The following VGLL4 variants were observed in gnomAD, a reference collection of about 807,000 sequenced individuals.
The protein encoded by VGLL4 is vestigial like family member 4.
In VGLL4, 7 loss-of-function variants were observed where a neutral mutation model predicts 21.0. The observed-to-expected ratio is 0.33, with a 90% CI of 0.19 to 0.63. The LOEUF (loss-of-function observed/expected upper bound fraction) is 0.63, where lower values mean the gene tolerates loss of function less well. VGLL4 is among the 20% of genes least tolerant of loss of function. The probability of loss-of-function intolerance (pLI) is 0.78; values close to 1 mark genes in which losing one functional copy is unlikely to be tolerated. For missense variants in VGLL4, 394 were observed against 425.7 expected, an observed-to-expected ratio of 0.93 and a Z score of 0.66; for synonymous variants, 222 against 173.2, an observed-to-expected ratio of 1.28 and a Z score of -2.21.
intron 2 of VGLL4, chr3:11,671,404 A>G (rs1277685686): frequency 2.4e-6 from 2 of 825,240 alleles, no homozygotes; most frequent in South Asian, 2.6e-5. Flanking sequence ...GCTGTGGGCC[A>G]CATGTAAGTA....
chr3:11,677,686 A>G (rs2076311158), intron 2 of VGLL4, among the ~76,000 whole-genome samples: 1 of 152,132 alleles, frequency 6.6e-6, no homozygotes, highest in South Asian at 2.1e-4. Flanking sequence ...CACACCTGTA[A>G]TCCCAGCACT....
chr3:11,572,033 G>A (rs1443041440), intron 2 of VGLL4, among the ~76,000 whole-genome samples: 1 of 151,966 alleles, frequency 6.6e-6, no homozygotes, highest in African/African-American at 2.4e-5. Context: ...CCTGAGCCCA[G>A]GAGATGGAGG....
chr3:11,608,256 T>TA (rs1044047179), intron 1 of VGLL4, among the ~76,000 whole-genome samples: 6 of 152,336 alleles, frequency 3.9e-5, no homozygotes, highest in African/African-American at 1.4e-4. Flanking sequence ...CAATGACAAC[T>TA]AAAGAAGTTT....
rs1263902676 is a variant in VGLL4, at chr3:11,659,614, G to A, written c.64+43357C>T. 1.9e-3 allele frequency among the ~76,000 whole-genome samples: 281 copies of A among 150,830 alleles called. 6 individuals are homozygous for A. The highest frequency in any genetic ancestry group is 2.0e-4 in the East Asian group (1 of 4,974). ...CTCCCAAAGTGCTGGAACTACAGGC[G>A]TGAGCCACCACGCCCAGCTTCAAAT... On this transcript the variant is annotated intron_variant, in intron 2 of 5. Transcript: ENST00000273038.
At chr3:11,617,699 C>A (rs2075188636) in intron 1 of VGLL4, among the ~76,000 whole-genome samples, 1 of 152,196 alleles carries the variant, frequency 6.6e-6, no homozygotes, top group Admixed American at 6.5e-5. Flanking sequence ...GTTGACCCTT[C>A]CTTCGTATAA....
chr3:11,644,570 C>A (rs2075757974), upstream of VGLL4, among the ~76,000 whole-genome samples: 1 of 151,780 alleles, frequency 6.6e-6, no homozygotes, highest in Non-Finnish European at 1.5e-5. Flanking sequence ...TTTAAAAAAA[C>A]GAGGGGGCCG....
At position 11,719,202 on chromosome 3, in the gene VGLL4, G is replaced by T. The variant is rs965221063; in HGVS notation, c.-14+1192C>A. 6.6e-6 allele frequency among the ~76,000 whole-genome samples: 1 copy of T among 151,888 alleles called. No individual in the cohort carries two copies. The highest frequency in any genetic ancestry group is 2.4e-5 in the African/African-American group (1 of 41,368). On this transcript the variant is annotated intron_variant, in intron 1 of 5. Transcript: ENST00000273038. This position sits in a 1 kb window ranked among gnomAD's most constrained non-coding sequence, Gnocchi z 4.0. Reference sequence around the variant, plus strand: ...CGGGGTGCCAGGCGCGGGCCTCCTCGCCCGCCCCGAGCCTCCGACTCCCAG... The same window carrying T: ...CGGGGTGCCAGGCGCGGGCCTCCTCTCCCGCCCCGAGCCTCCGACTCCCAG...
intron 1 of VGLL4, among the ~76,000 whole-genome samples, chr3:11,639,920 G>A (rs2075658142): frequency 6.6e-6 from 1 of 151,922 alleles, no homozygotes; most frequent in Non-Finnish European, 1.5e-5. Flanking sequence ...GAGGCAGCAC[G>A]GCATAGAAGA....
chr3:11,676,394 C>CAAAAAAAA (rs1219773138), intron 2 of VGLL4, among the ~76,000 whole-genome samples: 27 of 54,318 alleles, frequency 5.0e-4, no homozygotes, highest in South Asian at 1.7e-3. Flanking sequence ...GACTCTGTCT[C>CAAAAAAAA]AAAAAAAAAA....
rs115640352 is a variant in VGLL4 at position 11,667,194 on chromosome 3, C to G, written c.64+35777G>C. 6.2e-3 allele frequency among the ~76,000 whole-genome samples: 951 copies of G among 152,338 alleles called. 12 individuals carry two copies. The highest frequency in any genetic ancestry group is 0.022 in the African/African-American group (919 of 41,582). ...CCTGCCGCATCTCAAACTCACAAAG[C>G]CCTACACTGAGACTCCAATCTTCCC... On this transcript the variant is annotated intron_variant, in intron 2 of 5. Coordinates refer to the VGLL4 transcript ENST00000273038.
chr3:11,563,153 A>G (rs377743640), intron 3 of VGLL4, among the ~76,000 whole-genome samples: 1 of 150,394 alleles, frequency 6.6e-6, no homozygotes, highest in African/African-American at 2.4e-5. Context: ...ATGTGGGCAG[A>G]GATAGCTTGT....
At chr3:11,644,621 G>A (rs1052385779), upstream of VGLL4, among the ~76,000 whole-genome samples, 3 of 152,080 alleles carry the variant, frequency 2.0e-5, no homozygotes, top group Non-Finnish European at 2.9e-5. Flanking sequence ...CGAAGCAGGC[G>A]GATCACTTGA....
At chr3:11,677,383 C>A (rs1255385153) in intron 2 of VGLL4, among the ~76,000 whole-genome samples, 1 of 152,052 alleles carries the variant, frequency 6.6e-6, no homozygotes, top group Non-Finnish European at 1.5e-5. Context: ...GATCCTCCCA[C>A]TTCAGCCTCC....
In VGLL4 at chr3:11,557,167, G is replaced by A. The variant is rs559590203; in HGVS notation, c.*1389C>T. The A allele has an allele frequency of 2.0e-5, 3 of 152,856 alleles. No homozygotes were observed. In the East Asian group the frequency reaches 5.7e-4, roughly 29 times the overall value. The allele number at this position is 152,856 out of a possible 1,614,324, so 9.5% of individuals were successfully genotyped here. A position where few individuals can be genotyped will look rare whatever the true frequency, so the allele number is the denominator to read the frequency against. ...AACGCTCATTGACCAAAAAGGAGCA[G>A]CTGTGACCTCCACAGCTGTGTCTGT... On this transcript the variant is annotated 3_prime_UTR_variant, in exon 5 of 5. Transcript: ENST00000430365.
intron 1 of VGLL4, among the ~76,000 whole-genome samples, chr3:11,625,502 G>T (rs2075335204): frequency 6.6e-6 from 1 of 152,184 alleles, no homozygotes; most frequent in Admixed American, 6.5e-5. Context: ...ATGTCACTCA[G>T]ATTCTAAAAA....
intron 2 of VGLL4, among the ~76,000 whole-genome samples, chr3:11,659,616 G>A (rs1488100387): frequency 4.6e-5 from 7 of 150,560 alleles, no homozygotes; most frequent in African/African-American, 1.7e-4. Flanking sequence ...CTACAGGCGT[G>A]AGCCACCACG....
chr3:11,571,510 C>G (rs1052355951), intron 2 of VGLL4, among the ~76,000 whole-genome samples: 9 of 151,996 alleles, frequency 5.9e-5, no homozygotes, highest in Middle Eastern at 3.2e-3. Context: ...ATGGCAAAAC[C>G]CCGTCTCTAC....
chr3:11,564,489 C>T (rs2073339812), intron 3 of VGLL4, among the ~76,000 whole-genome samples: 1 of 152,142 alleles, frequency 6.6e-6, no homozygotes, highest in Non-Finnish European at 1.5e-5. Context: ...CCTCAGTACA[C>T]CACCCCTGTA....
chr3:11,578,079 G>A (rs927661373), intron 2 of VGLL4, among the ~76,000 whole-genome samples: 1 of 152,186 alleles, frequency 6.6e-6, no homozygotes, highest in Non-Finnish European at 1.5e-5. Flanking sequence ...GTTTCTGAAC[G>A]AAACACCAGC....
Sources: gnomAD v4.1 joint callset for allele counts (sites outside exome capture counted in the v4.1 genomes callset) on GRCh38, gnomAD v4.1.1 for gene constraint, Gnocchi (gnomAD v3.1) non-coding constraint, MANE v1.5 for transcripts, NCBI Gene and HGNC (gene_info 2026-07-23, HGNC 2026-07-21) for gene names.